Variants in AHI1 observed in about 807,000 individuals in gnomAD.
The protein encoded by AHI1 is jouberin.
In AHI1, 123 loss-of-function variants were observed where a neutral mutation model predicts 149.3. The observed-to-expected ratio is 0.82, with a 90% confidence interval of 0.71 to 0.96. The LOEUF (loss-of-function observed/expected upper bound fraction) is 0.96, where lower values mean the gene tolerates loss of function less well. Among genes scored for constraint, AHI1 ranks in the 40% least tolerant of loss-of-function variants. The pLI is 0.00. For missense variants in AHI1, 1,439 were observed against 1,422.7 expected, an observed-to-expected ratio of 1.01 and a Z score of -0.18; for synonymous variants, 475 against 459.8, an observed-to-expected ratio of 1.03 and a Z score of -0.42.
chr6:135,395,475 A>C (rs1779089142), intron 22 of AHI1, among the ~76,000 whole-genome samples: 1 of 151,974 alleles, frequency 6.6e-6, no homozygotes, highest in Non-Finnish European at 1.5e-5. Flanking sequence ...GTAAGTAAAT[A>C]CAATGTTCTA....
At chr6:135,436,955 T>C (rs1445844096) in intron 15 of AHI1, among the ~76,000 whole-genome samples, 2 of 152,174 alleles carry the variant, frequency 1.3e-5, no homozygotes, top group Admixed American at 6.5e-5. Context: ...AGAAAGATAT[T>C]AATCAGACTA....
At chr6:135,429,648 T>C (rs911591196) in intron 18 of AHI1, among the ~76,000 whole-genome samples, 7 of 151,658 alleles carry the variant, frequency 4.6e-5, no homozygotes, top group Admixed American at 6.6e-5. Flanking sequence ...GGCTGGATAA[T>C]TGTTTTAGGG....
At chr6:135,405,715 C>A (rs1780670339) in intron 21 of AHI1, among the ~76,000 whole-genome samples, 1 of 151,726 alleles carries the variant, frequency 6.6e-6, no homozygotes. Context: ...CAAAAATCAG[C>A]TAGGCGTTGT....
intron 27 of AHI1, among the ~76,000 whole-genome samples, chr6:135,296,681 T>C (rs1462787290): frequency 6.6e-6 from 1 of 152,222 alleles, no homozygotes; most frequent in African/African-American, 2.4e-5. Context: ...TCATGTCTCC[T>C]TTCCTTTCCC....
At chr6:135,293,392 C>CAAAAAAAAAAAAAAAAAAAAAA (rs1175955601) in intron 27 of AHI1, among the ~76,000 whole-genome samples, 14 of 20,032 alleles carry the variant, frequency 7.0e-4, no homozygotes, top group South Asian at 1.7e-3. Context: ...GTTAACAGGG[C>CAAAAAAAAAAAAAAAAAAAAAA]AAAAAAAAAA....
chr6:135,296,537 C>T (rs1435636917), intron 27 of AHI1, among the ~76,000 whole-genome samples: 2 of 152,134 alleles, frequency 1.3e-5, no homozygotes, highest in East Asian at 3.8e-4. Context: ...CCTTACTTTT[C>T]TTTGAGGGTA....
intron 26 of AHI1, among the ~76,000 whole-genome samples, chr6:135,311,301 C>CAAAAAAAA (rs35950731): frequency 1.3e-5 from 1 of 79,920 alleles, no homozygotes; most frequent in Non-Finnish European, 2.4e-5. Context: ...GACCCCGCCT[C>CAAAAAAAA]AAAAAAAAAA....
intron 23 of AHI1, among the ~76,000 whole-genome samples, chr6:135,370,752 T>A (rs978119205): frequency 6.6e-6 from 1 of 152,244 alleles, no homozygotes; most frequent in African/African-American, 2.4e-5. Flanking sequence ...ACAATGTACA[T>A]ATTAATTAGA....
intron 24 of AHI1, among the ~76,000 whole-genome samples, chr6:135,337,370 T>C (rs1040747871): frequency 2.0e-5 from 3 of 152,146 alleles, no homozygotes; most frequent in Admixed American, 2.0e-4. Flanking sequence ...CATACATACA[T>C]ATGTACACAT....
chr6:135,381,437 G>A (rs1415689401), intron 23 of AHI1, among the ~76,000 whole-genome samples: 1 of 152,058 alleles, frequency 6.6e-6, no homozygotes, highest in East Asian at 1.9e-4. Context: ...ATAAACTGGA[G>A]TCCTACTAAG....
At chr6:135,376,610 G>A (rs889790071) in intron 23 of AHI1, among the ~76,000 whole-genome samples, 5 of 151,994 alleles carry the variant, frequency 3.3e-5, no homozygotes, top group South Asian at 2.1e-4. Context: ...AAGGCCGGGC[G>A]CAGTGGCTCA....
chr6:135,427,473 T>C lies in AHI1; in HGVS notation c.2624-166A>G, dbSNP rs550209304. Among the ~76,000 whole-genome samples the C allele has an allele frequency of 4.0e-5, 6 of 151,820 alleles. No homozygotes were observed. In the South Asian group the frequency reaches 1.2e-3, roughly 31 times the overall value. On this transcript the variant is annotated intron_variant, in intron 19 of 28. Transcript: ENST00000265602. The stretch of plus-strand genomic sequence containing the variant: ...TAAAAATGTTTGAGTAACAATGTAT[T>C]AAATTATCTTTATTTTACATTCCAC...
At chr6:135,409,659 C>T (rs930663601) in intron 21 of AHI1, among the ~76,000 whole-genome samples, 8 of 152,054 alleles carry the variant, frequency 5.3e-5, no homozygotes, top group Non-Finnish European at 1.0e-4. Flanking sequence ...TGGAGAAGTT[C>T]GAAGGTAGCT....
intron 11 of AHI1, 143 bp from the exon 12 acceptor site, chr6:135,448,618 A>C (rs980659323): frequency 3.1e-6 from 2 of 646,658 alleles, no homozygotes; most frequent in Non-Finnish European, 4.7e-6. Flanking sequence ...AAGAACATTA[A>C]ATAGTTAGTT....
At chr6:135,389,121 T>A (rs918480713) in intron 23 of AHI1, among the ~76,000 whole-genome samples, 1 of 151,492 alleles carries the variant, frequency 6.6e-6, no homozygotes, top group Non-Finnish European at 1.5e-5. Flanking sequence ...CCATCCTGGC[T>A]AACATGGTGA....
At chr6:135,341,869 G>A (rs1790425652) in intron 24 of AHI1, among the ~76,000 whole-genome samples, 1 of 151,768 alleles carries the variant, frequency 6.6e-6, no homozygotes, top group African/African-American at 2.4e-5. Context: ...AAGATATCAA[G>A]TGAATATTTT....
intron 20 of AHI1, among the ~76,000 whole-genome samples, chr6:135,415,182 A>C (rs187853934): frequency 6.6e-6 from 1 of 152,010 alleles, no homozygotes; most frequent in East Asian, 1.9e-4. Context: ...CATGGTGTAT[A>C]TGTGCCACAT....
At chr6:135,428,918 A>C (rs1261997856) in intron 18 of AHI1, among the ~76,000 whole-genome samples, 159 bp from the exon 19 acceptor site, 1 of 151,726 alleles carries the variant, frequency 6.6e-6, no homozygotes, top group African/African-American at 2.4e-5. Flanking sequence ...ATGCAGAATA[A>C]AGGAGAGCTA....
At chr6:135,290,673 T>A in intron 27 of AHI1, 148 bp from the exon 28 acceptor site, 1 of 722,300 alleles carries the variant, frequency 1.4e-6, no homozygotes, top group Non-Finnish European at 2.4e-6. Flanking sequence ...CCGGCAGAAC[T>A]AATGAGTATA....
Sources: gnomAD v4.1 joint callset for allele counts (sites outside exome capture counted in the v4.1 genomes callset) on GRCh38, gnomAD v4.1.1 for gene constraint, MANE v1.5 for transcripts, NCBI Gene and HGNC (gene_info 2026-07-23, HGNC 2026-07-21) for gene names.